The following RBPJ variants were observed in gnomAD, a reference collection of about 807,000 sequenced individuals.
The protein encoded by RBPJ is recombination signal binding protein for immunoglobulin kappa J region, also known as recombining binding protein suppressor of hairless.
RBPJ carries 9 observed loss-of-function variants against 67.8 expected under a neutral mutation model. The observed-to-expected ratio is 0.13, with a 90% confidence interval of 0.08 to 0.23. The LOEUF (loss-of-function observed/expected upper bound fraction) is 0.23, where lower values mean the gene tolerates loss of function less well. RBPJ is among the 10% of genes least tolerant of loss of function. RBPJ has a pLI of 1.00. For synonymous variants in RBPJ, 198 were observed against 203.3 expected (o/e 0.97, Z 0.22); for missense variants, 305 against 595.6 (o/e 0.51, Z 5.08).
chr4:26,415,716 T>G lies in RBPJ; in HGVS notation c.321+76T>G, dbSNP rs1365094989. The G allele has an allele frequency of 2.9e-6, 4 of 1,397,962 alleles. No homozygotes were observed. In the African/African-American group the frequency reaches 5.8e-5, roughly 20 times the overall value. 86.6% of individuals were successfully genotyped at this position (1,397,962 alleles called of 1,614,324 possible). ...GTAGTTTTCATATTCATTTTTGTGG[T>G]GGAGATTTTTTTCTTTAATAACTAT... On this transcript the variant is annotated intron_variant, in intron 4 of 10. Transcript: ENST00000355476.
At position 26,266,031 on chromosome 4, in the gene RBPJ, C is replaced by CAA. The variant is rs1156939620; in HGVS notation, c.-166-96405_-166-96404dup. ...TGAGCAACAGAGCAAGACTGTATCTCAAAAAAAAAAAGGATCTTGGTTCCA... is the reference window on the plus strand; with the variant it reads ...TGAGCAACAGAGCAAGACTGTATCTCAAAAAAAAAAAAAGGATCTTGGTTCCA... On this transcript the variant is annotated intron_variant, in intron 1 of 4. Coordinates refer to the RBPJ transcript ENST00000512351. 1.9e-3 allele frequency among the ~76,000 whole-genome samples: 276 copies of CAA among 144,512 alleles called. 1 individual carries two copies. The highest frequency in any genetic ancestry group is 6.6e-3 in the African/African-American group (262 of 39,522). 94.8% of individuals were successfully genotyped at this position (144,512 alleles called of 152,430 possible).
chr4:26,188,750 TTAAG>T (rs147073947), intron 1 of RBPJ, among the ~76,000 whole-genome samples: 9,164 of 152,244 alleles, frequency 0.06, 398 homozygotes, highest in South Asian at 0.19. Flanking sequence ...ATTGTTCAAT[TTAAG>T]TAAGTGTCTT....
intron 1 of RBPJ, among the ~76,000 whole-genome samples, chr4:26,191,234 G>GAGAT: frequency 8.6e-6 from 1 of 116,128 alleles, no homozygotes; most frequent in Non-Finnish European, 1.7e-5. Context: ...GAGAGAGAGA[G>GAGAT]AGAGAGATAG....
intron 2 of RBPJ, among the ~76,000 whole-genome samples, chr4:26,404,810 G>A (rs1159191604): frequency 3.3e-5 from 5 of 152,138 alleles, no homozygotes; most frequent in Admixed American, 2.0e-4. Flanking sequence ...GCCCTGTAAC[G>A]CCTTATGCTT....
intron 1 of RBPJ, among the ~76,000 whole-genome samples, chr4:26,366,540 C>G (rs1728645310): frequency 6.6e-6 from 1 of 151,884 alleles, no homozygotes; most frequent in South Asian, 2.1e-4. Context: ...TTCTTCTGCC[C>G]CAGCCTCCTG....
the RBPJ span, among the ~76,000 whole-genome samples, chr4:26,141,049 G>A: frequency 6.6e-6 from 1 of 152,244 alleles, no homozygotes. Flanking sequence ...GTCTGGGGTA[G>A]ATCCTGGATT....
At chr4:26,270,039 T>C (rs1444395168) in intron 1 of RBPJ, among the ~76,000 whole-genome samples, 1 of 151,750 alleles carries the variant, frequency 6.6e-6, no homozygotes, top group Admixed American at 6.6e-5. Context: ...CTCAGCACTT[T>C]GGGAGGCTGA....
At chr4:26,278,763 A>T (rs1180434667) in intron 1 of RBPJ, among the ~76,000 whole-genome samples, 1 of 152,206 alleles carries the variant, frequency 6.6e-6, no homozygotes, top group Admixed American at 6.5e-5. Flanking sequence ...GGGCTTTACA[A>T]GGAGAAAATT....
chr4:26,259,322 T>C (rs1720452276), intron 1 of RBPJ, among the ~76,000 whole-genome samples: 1 of 152,194 alleles, frequency 6.6e-6, no homozygotes, highest in South Asian at 2.1e-4. Context: ...CAAAACACTC[T>C]CATAATAAGC....
At chr4:26,341,133 C>A (rs1010223067) in intron 1 of RBPJ, among the ~76,000 whole-genome samples, 1 of 152,138 alleles carries the variant, frequency 6.6e-6, no homozygotes, top group African/African-American at 2.4e-5. Context: ...AATGCTAAAA[C>A]CCAGGGGCTA....
At chr4:26,222,125 ATGT>A (rs547441726) in intron 1 of RBPJ, among the ~76,000 whole-genome samples, 367 of 152,336 alleles carry the variant, frequency 2.4e-3, no homozygotes, top group African/African-American at 8.6e-3. Context: ...ATCTCAGGAC[ATGT>A]TGTAAAATCT....
the RBPJ span, chr4:26,113,464 G>T: frequency 3.6e-6 from 2 of 550,680 alleles, no homozygotes; most frequent in Non-Finnish European, 7.0e-6. Flanking sequence ...CCAACCATCA[G>T]CAAACACACA....
chr4:26,188,724 T>A (rs1255086100), intron 1 of RBPJ, among the ~76,000 whole-genome samples: 25 of 152,188 alleles, frequency 1.6e-4, no homozygotes, highest in Admixed American at 1.4e-3. Context: ...TTCCTTGTCA[T>A]TAAAAGTGTG....
chr4:26,179,883 T>C (rs751577426), intron 1 of RBPJ, among the ~76,000 whole-genome samples: 9 of 152,244 alleles, frequency 5.9e-5, no homozygotes, highest in Non-Finnish European at 1.2e-4. Flanking sequence ...CAAATGTTTA[T>C]TGCAGCACTA....
intron 1 of RBPJ, among the ~76,000 whole-genome samples, chr4:26,337,374 T>A (rs1358166881): frequency 6.6e-6 from 1 of 152,174 alleles, no homozygotes; most frequent in Non-Finnish European, 1.5e-5. Flanking sequence ...CTTCTGTTGG[T>A]CCTCCTTTCC....
intron 2 of RBPJ, among the ~76,000 whole-genome samples, chr4:26,387,540 A>G (rs767939880): frequency 6.6e-5 from 10 of 152,192 alleles, no homozygotes; most frequent in Non-Finnish European, 1.0e-4. Context: ...TTTTCCAGGT[A>G]TTGAACATCA....
intron 1 of RBPJ, among the ~76,000 whole-genome samples, chr4:26,275,618 TTTTTG>T (rs142932521): frequency 0.38 from 57,659 of 151,046 alleles, 11,381 homozygotes; most frequent in Admixed American, 0.47. Context: ...AATCATAGGT[TTTTTG>T]TTTTGTTTTG....
At chr4:26,178,774 C>T (rs1447526869) in intron 1 of RBPJ, among the ~76,000 whole-genome samples, 1 of 150,214 alleles carries the variant, frequency 6.7e-6, no homozygotes, top group Non-Finnish European at 1.5e-5. Context: ...CAGAACTGTG[C>T]CGTTTGGAAT....
At chr4:26,141,836 A>T in the RBPJ span, among the ~76,000 whole-genome samples, 44 of 152,206 alleles carry the variant, frequency 2.9e-4, no homozygotes, top group African/African-American at 9.4e-4. Flanking sequence ...AGTTCCTGCC[A>T]TTCTACTCTA....
Sources: allele counts gnomAD v4.1 joint callset (sites outside exome capture counted in the v4.1 genomes callset), GRCh38; gene constraint gnomAD v4.1.1; transcripts MANE v1.5; gene names NCBI Gene and HGNC (gene_info 2026-07-23, HGNC 2026-07-21).